ZRANB3: variants seen among roughly 807,000 people sequenced by gnomAD.
The protein encoded by ZRANB3 is DNA annealing helicase and endonuclease ZRANB3.
ZRANB3 carries 125 observed loss-of-function variants against 133.8 expected under a neutral mutation model. That is an observed-to-expected ratio of 0.93 (90% CI 0.81 to 1.08). The LOEUF (loss-of-function observed/expected upper bound fraction) is 1.08. Ranked by LOEUF, ZRANB3 falls within the 50% of genes least tolerant of loss-of-function variation. The pLI, the probability that ZRANB3 is intolerant of heterozygous loss-of-function variation, is 0.00. For synonymous variants in ZRANB3, 387 were observed against 432.7 expected (o/e 0.89, Z 1.31); for missense variants, 1,229 against 1,275.5 (o/e 0.96, Z 0.56).
At chr2:135,497,389 A>G (rs1431359630) in intron 2 of ZRANB3, among the ~76,000 whole-genome samples, 1 of 152,250 alleles carries the variant, frequency 6.6e-6, no homozygotes, top group East Asian at 1.9e-4. Context: ...TGACACAAAG[A>G]TGGCAAACAG....
intron 2 of ZRANB3, among the ~76,000 whole-genome samples, chr2:135,476,065 A>G (rs1020242471): frequency 7.9e-5 from 12 of 152,148 alleles, no homozygotes; most frequent in African/African-American, 2.9e-4. Context: ...ACAACAGAAC[A>G]AGACTCCATC....
intron 19 of ZRANB3, among the ~76,000 whole-genome samples, chr2:135,203,612 CAAAAAAAAA>C (rs1051712787): frequency 1.6e-5 from 1 of 62,090 alleles, no homozygotes; most frequent in East Asian, 4.4e-4. Context: ...GACTCGGTCT[CAAAAAAAAA>C]AAAAAAAAAA....
intron 12 of ZRANB3, among the ~76,000 whole-genome samples, chr2:135,256,369 C>A (rs944193466): frequency 7.9e-5 from 12 of 152,108 alleles, no homozygotes; most frequent in Non-Finnish European, 1.6e-4. Flanking sequence ...CACTCTGTTG[C>A]CCAGGCTAGA....
intron 12 of ZRANB3, among the ~76,000 whole-genome samples, chr2:135,231,680 C>T (rs1398157575): frequency 3.3e-5 from 5 of 151,932 alleles, no homozygotes; most frequent in Admixed American, 6.6e-5. Context: ...CCCAGCTACT[C>T]GGGGAGCTGA....
chr2:135,387,761 T>A (rs1191100193), intron 3 of ZRANB3, among the ~76,000 whole-genome samples: 1 of 152,206 alleles, frequency 6.6e-6, no homozygotes, highest in Non-Finnish European at 1.5e-5. Context: ...GAGGAAATAT[T>A]AAACGGATTT....
chr2:135,397,330 C>T (rs1687536909), intron 2 of ZRANB3, among the ~76,000 whole-genome samples: 2 of 151,430 alleles, frequency 1.3e-5, no homozygotes, highest in Non-Finnish European at 2.9e-5. Flanking sequence ...TGCCTCTAGC[C>T]CCAGCTACTT....
At chr2:135,237,692 C>G (rs1695357091) in intron 12 of ZRANB3, among the ~76,000 whole-genome samples, 1 of 146,972 alleles carries the variant, frequency 6.8e-6, no homozygotes, top group South Asian at 2.2e-4. Context: ...ATCGCAAGGA[C>G]AAAAAACTAA....
intron 2 of ZRANB3, among the ~76,000 whole-genome samples, chr2:135,413,879 T>C (rs1214886580): frequency 1.3e-5 from 2 of 151,870 alleles, no homozygotes; most frequent in Non-Finnish European, 2.9e-5. Flanking sequence ...GAAGGAGAAA[T>C]AAAATACTTT....
intron 15 of ZRANB3, among the ~76,000 whole-genome samples, chr2:135,220,662 C>T (rs1694505894): frequency 2.1e-5 from 3 of 140,564 alleles, no homozygotes; most frequent in Non-Finnish European, 1.5e-5. Context: ...CCCGCCACTG[C>T]ACTCCAGCCT....
chr2:135,428,376 A>G (rs959908116), intron 2 of ZRANB3, among the ~76,000 whole-genome samples: 1 of 149,674 alleles, frequency 6.7e-6, no homozygotes, highest in South Asian at 2.2e-4. Context: ...CTGGGAGCCA[A>G]GATCGCGTCA....
At chr2:135,449,006 T>C (rs917653257) in intron 2 of ZRANB3, among the ~76,000 whole-genome samples, 2 of 152,178 alleles carry the variant, frequency 1.3e-5, no homozygotes, top group Non-Finnish European at 2.9e-5. Flanking sequence ...CCTAGTACAT[T>C]GTAATACTAG....
intron 3 of ZRANB3, among the ~76,000 whole-genome samples, chr2:135,380,222 TA>T (rs1395690813): frequency 6.6e-6 from 1 of 152,116 alleles, no homozygotes. Flanking sequence ...GGGAGACTTT[TA>T]AAACCCCACT....
intron 1 of ZRANB3, among the ~76,000 whole-genome samples, chr2:135,520,776 G>C (rs1275715953): frequency 6.6e-6 from 1 of 151,858 alleles, no homozygotes; most frequent in African/African-American, 2.4e-5. Flanking sequence ...GTAGAGACGG[G>C]GTTACACCAT....
At chr2:135,443,144 G>C (rs1477024267) in intron 2 of ZRANB3, among the ~76,000 whole-genome samples, 1 of 150,320 alleles carries the variant, frequency 6.7e-6, no homozygotes, top group African/African-American at 2.5e-5. Flanking sequence ...AAAGAAAAAA[G>C]AAAAGAAAAG....
chr2:135,332,664 A>T (rs1684201798), intron 6 of ZRANB3, among the ~76,000 whole-genome samples: 1 of 152,106 alleles, frequency 6.6e-6, no homozygotes, highest in East Asian at 1.9e-4. Flanking sequence ...TATGGTTACA[A>T]CCAGGTCCTA....
intron 12 of ZRANB3, among the ~76,000 whole-genome samples, chr2:135,248,970 T>C (rs556188182): frequency 1.7e-4 from 26 of 152,218 alleles, no homozygotes; most frequent in African/African-American, 6.0e-4. Flanking sequence ...AAAGAAGACA[T>C]ATATGCGGCC....
chr2:135,371,180 G>A (rs1686162539), intron 3 of ZRANB3, among the ~76,000 whole-genome samples: 1 of 152,182 alleles, frequency 6.6e-6, no homozygotes, highest in Non-Finnish European at 1.5e-5. Context: ...AAAAGGAAAA[G>A]GAGGTTACAG....
intron 1 of ZRANB3, among the ~76,000 whole-genome samples, chr2:135,514,370 T>G (rs1158225966): frequency 6.6e-6 from 1 of 152,206 alleles, no homozygotes; most frequent in Non-Finnish European, 1.5e-5. Context: ...CATTGTAAGT[T>G]GTATTCCTAG....
At chr2:135,295,748 C>T (rs1413470689) in intron 8 of ZRANB3, among the ~76,000 whole-genome samples, 2 of 152,130 alleles carry the variant, frequency 1.3e-5, no homozygotes. Context: ...GTGCTTCCTT[C>T]AGGAGCTCTG....
Sources: allele counts gnomAD v4.1 joint callset (sites outside exome capture counted in the v4.1 genomes callset), GRCh38; gene constraint gnomAD v4.1.1; transcripts MANE v1.5; gene names NCBI Gene and HGNC (gene_info 2026-07-23, HGNC 2026-07-21).